The following CCDC138 variants were observed in gnomAD, a reference collection of about 807,000 sequenced individuals.
The protein encoded by CCDC138 is coiled-coil domain-containing protein 138.
CCDC138 carries 66 observed loss-of-function variants against 82.3 expected under a neutral mutation model. That is an observed-to-expected ratio of 0.80 (90% CI 0.66 to 0.98). The LOEUF (loss-of-function observed/expected upper bound fraction) is 0.98. CCDC138 is among the 50% of genes least tolerant of loss of function. The probability of loss-of-function intolerance (pLI) is 0.00; values close to 1 mark genes in which losing one functional copy is unlikely to be tolerated. For synonymous variants in CCDC138, 297 were observed against 265.4 expected (o/e 1.12, Z -1.16); for missense variants, 816 against 758.9 (o/e 1.08, Z -0.88).
intron 10 of CCDC138, among the ~76,000 whole-genome samples, chr2:108,830,313 A>G (rs761999383): frequency 5.3e-5 from 8 of 152,190 alleles, no homozygotes; most frequent in Non-Finnish European, 8.8e-5. Flanking sequence ...GCATTTTGCA[A>G]AAGTTTTGGG....
At chr2:108,866,154 A>G (rs537166924) in intron 13 of CCDC138, among the ~76,000 whole-genome samples, 2 of 152,264 alleles carry the variant, frequency 1.3e-5, no homozygotes, top group African/African-American at 4.8e-5. Context: ...GAATTTGGCC[A>G]TGGGGATTGT....
In CCDC138 at chr2:108,864,164, G is replaced by GA. The variant is rs202102079; in HGVS notation, c.1693+7203dup. Among the ~76,000 whole-genome samples, 68 of 146,716 alleles carry GA rather than the reference G, an allele frequency of 4.6e-4. No individual in the cohort carries two copies. The East Asian group carries it at 5.1e-3, about 11-fold the overall frequency. ...GAGGAAACCCATTCTCATATTTTGTGAAAAAAAAACAAAACATTGCATATG... is the reference window on the plus strand; with the variant it reads ...GAGGAAACCCATTCTCATATTTTGTGAAAAAAAAAACAAAACATTGCATATG... On this transcript the variant is annotated intron_variant, in intron 13 of 14. Transcript: ENST00000295124.
At chr2:108,839,147 T>A in intron 10 of CCDC138, 38 bp from the exon 11 acceptor site, 1 of 1,556,884 alleles carries the variant, frequency 6.4e-7, no homozygotes, top group African/African-American at 1.4e-5. Flanking sequence ...TTAAAAATAC[T>A]GTGCCTTTGT....
intron 5 of CCDC138, 78 bp from the exon 6 acceptor site, chr2:108,798,348 CCA>C: frequency 6.7e-7 from 1 of 1,501,330 alleles, no homozygotes; most frequent in African/African-American, 1.4e-5. Flanking sequence ...CTTGGTTAAA[CCA>C]CAGTGTCAGC....
downstream of CCDC138, among the ~76,000 whole-genome samples, chr2:108,877,814 G>C (rs991125376): frequency 2.6e-5 from 4 of 152,120 alleles, no homozygotes; most frequent in Non-Finnish European, 5.9e-5. Context: ...ATGAGAAAAG[G>C]GTTCTATAAT....
downstream of CCDC138, among the ~76,000 whole-genome samples, chr2:108,879,771 G>C (rs1574350984): frequency 6.6e-6 from 1 of 152,212 alleles, no homozygotes; most frequent in East Asian, 1.9e-4. Context: ...AGCTCTGTTA[G>C]TTGAAGGGGA....
At chr2:108,866,665 A>C (rs1574299568) in intron 13 of CCDC138, among the ~76,000 whole-genome samples, 2 of 152,154 alleles carry the variant, frequency 1.3e-5, no homozygotes, top group African/African-American at 2.4e-5. Flanking sequence ...CAGGTGGATC[A>C]CGAGGTCAGG....
chr2:108,879,468 A>G (rs1202411710), downstream of CCDC138, among the ~76,000 whole-genome samples: 3 of 152,198 alleles, frequency 2.0e-5, no homozygotes, highest in East Asian at 5.8e-4. Context: ...GCAAAATGAG[A>G]AAGAATAAGA....
chr2:108,885,179 C>G (rs1027643499), exon 3 of CCDC138: 1 of 152,216 alleles, frequency 6.6e-6, no homozygotes, highest in South Asian at 2.1e-4. Flanking sequence ...CAATGCTGGA[C>G]TTTGGTTTTT....
chr2:108,872,498 A>G (rs770891173), intron 13 of CCDC138, among the ~76,000 whole-genome samples: 11 of 152,194 alleles, frequency 7.2e-5, no homozygotes, highest in Admixed American at 2.0e-4. Context: ...AGCATATACC[A>G]CTTAGTCTGT....
At chr2:108,792,069 T>G (rs1679997672) in intron 4 of CCDC138, among the ~76,000 whole-genome samples, 1 of 152,222 alleles carries the variant, frequency 6.6e-6, no homozygotes, top group Non-Finnish European at 1.5e-5. Flanking sequence ...GTGGTAGTAT[T>G]TGACTACAAT....
chr2:108,858,120 G>A (rs558863216), intron 13 of CCDC138, among the ~76,000 whole-genome samples: 12 of 152,212 alleles, frequency 7.9e-5, no homozygotes, highest in Non-Finnish European at 1.6e-4. Flanking sequence ...GAGGCGGGCA[G>A]ATCACTGGAG....
chr2:108,851,298 G>GTTGT (rs891383008), intron 12 of CCDC138, among the ~76,000 whole-genome samples: 43 of 152,052 alleles, frequency 2.8e-4, no homozygotes, highest in African/African-American at 8.9e-4. Flanking sequence ...TTTGTTTTTT[G>GTTGT]TTGTTTGTTT....
intron 10 of CCDC138, among the ~76,000 whole-genome samples, chr2:108,832,233 G>A (rs947225758): frequency 6.6e-6 from 1 of 151,220 alleles, no homozygotes; most frequent in Non-Finnish European, 1.5e-5. Context: ...TACCATGTTG[G>A]CCTGGCTGGT....
intron 12 of CCDC138, among the ~76,000 whole-genome samples, chr2:108,854,359 T>C (rs191463921): frequency 4.0e-5 from 6 of 151,812 alleles, no homozygotes; most frequent in Admixed American, 1.3e-4. Flanking sequence ...AATCTTAGCT[T>C]CACTACTAGC....
At chr2:108,867,304 C>G (rs1381274319) in intron 13 of CCDC138, among the ~76,000 whole-genome samples, 2 of 152,020 alleles carry the variant, frequency 1.3e-5, no homozygotes, top group African/African-American at 4.8e-5. Context: ...CTGAGAGATT[C>G]CAGAGTGGGA....
intron 10 of CCDC138, among the ~76,000 whole-genome samples, chr2:108,835,914 A>AG (rs1170512268): frequency 2.0e-5 from 3 of 152,182 alleles, no homozygotes; most frequent in Non-Finnish European, 4.4e-5. Flanking sequence ...CACATGGCAC[A>AG]GGGCAGAAGA....
rs773967177 is a variant in CCDC138, at chr2:108,791,827, C to A, written c.394+25C>A. Reference sequence around the variant, plus strand: ...GGTAAAATAAATATTTTAGAACAATCAATTCAGTAGTAACTTTGTCAAGTA... The same window carrying A: ...GGTAAAATAAATATTTTAGAACAATAAATTCAGTAGTAACTTTGTCAAGTA... On this transcript the variant is annotated intron_variant, in intron 4 of 14. Coordinates refer to ENST00000295124, the MANE Select transcript of CCDC138 (RefSeq NM_144978.3). 1.0e-5 allele frequency: 16 copies of A among 1,551,336 alleles called. No homozygotes were observed. The African/African-American group carries it at 2.2e-4, about 21-fold the overall frequency.
chr2:108,882,227 GA>G (rs1034717291), intron 1 of CCDC138: 105 of 151,866 alleles, frequency 6.9e-4, no homozygotes, highest in African/African-American at 2.5e-3. Context: ...AATAGTAACA[GA>G]AAAGTTTGAA....
Sources: gnomAD v4.1 joint callset for allele counts (sites outside exome capture counted in the v4.1 genomes callset) on GRCh38, gnomAD v4.1.1 for gene constraint, MANE v1.5 for transcripts, NCBI Gene and HGNC (gene_info 2026-07-23, HGNC 2026-07-21) for gene names.